The following HP1BP3 variants were observed in gnomAD, a reference collection of about 807,000 sequenced individuals.
The protein encoded by HP1BP3 is heterochromatin protein 1-binding protein 3.
A neutral mutation model predicts 62.5 loss-of-function variants in HP1BP3; 12 were observed. The ratio of observed to expected loss-of-function variants is 0.19; its 90% CI spans 0.12 to 0.31. HP1BP3 has a LOEUF of 0.31. HP1BP3 is among the 10% of genes least tolerant of loss of function. The pLI, the probability that HP1BP3 is intolerant of heterozygous loss-of-function variation, is 1.00. For synonymous variants in HP1BP3, 260 were observed against 237.8 expected (o/e 1.09, Z -0.86); for missense variants, 502 against 651.8 (o/e 0.77, Z 2.50).
intron 2 of HP1BP3, 142 bp downstream of exon 2, chr1:20,780,203 A>T (rs544067167): frequency 1.5e-6 from 1 of 650,842 alleles, no homozygotes; most frequent in African/African-American, 1.8e-5. Flanking sequence ...GAAAGGGAAG[A>T]TGAAAAGAAT....
intron 4 of HP1BP3, chr1:20,776,009 C>T: frequency 8.2e-7 from 1 of 1,220,298 alleles, no homozygotes; most frequent in Non-Finnish European, 1.1e-6. Context: ...AGCTCTCCTG[C>T]AAAAAAAAAA....
intron 8 of HP1BP3, among the ~76,000 whole-genome samples, chr1:20,763,106 CCT>C (rs1405905831): frequency 6.6e-6 from 1 of 152,100 alleles, no homozygotes; most frequent in African/African-American, 2.4e-5. Flanking sequence ...TCTCTTGCTC[CCT>C]TTTTTGCCAT....
chr1:20,746,227 T>TGTGTG (rs1557633244), intron 11 of HP1BP3, among the ~76,000 whole-genome samples: 3 of 145,920 alleles, frequency 2.1e-5, no homozygotes, highest in African/African-American at 5.0e-5. Flanking sequence ...TGTGTGTGTG[T>TGTGTG]TTCTTGCCTT....
chr1:20,754,573 T>C (rs2154539945), intron 9 of HP1BP3, among the ~76,000 whole-genome samples: 1 of 152,188 alleles, frequency 6.6e-6, no homozygotes, highest in East Asian at 1.9e-4. Flanking sequence ...ATTCCAAATT[T>C]CAAAATTCAC....
At position 20,744,831 on chromosome 1, in the gene HP1BP3, G is replaced by C; in HGVS notation, c.1628C>G (p.Ser543Cys). 6.2e-7 allele frequency: 1 copy of C among 1,612,908 alleles called. No homozygotes were observed. Among genetic ancestry groups the C allele is most frequent in the Non-Finnish European group, 8.5e-7 (1 of 1,179,790 alleles). ...CACTCTGAAAGACTTCTTCATGGTG[G>C]ATTTGCCCTTGCCCGGCAATTTTAC... ...KEVKLPGKGK[S>C]TMKKSFRVKK Residue 543 changes from serine to cysteine, a missense_variant, in exon 13 of 13, where the codon TCC (serine) becomes TGC (cysteine). Coordinates refer to ENST00000438032, the MANE Select transcript of HP1BP3 (RefSeq NM_001372052.1).
intron 8 of HP1BP3, among the ~76,000 whole-genome samples, chr1:20,761,489 T>TA (rs1458530369): frequency 6.6e-6 from 1 of 151,798 alleles, no homozygotes; most frequent in Non-Finnish European, 1.5e-5. Context: ...GAAATGAAGA[T>TA]AATGTGGGAA....
Position 20,773,601 on chromosome 1 carries a change from A to T in HP1BP3, c.360T>A (p.Asp120Glu). ...SSEETKKDEK[D>E]QSKEKEKKVK... ...CTTTCTTCTCCTTTTCTTTAGACTG[A>T]TCTTTCTCACTTTAAAACAAAGAAT... The change falls in exon 5 of 13, where the codon GAT (aspartate) becomes GAA (glutamate). Residue 120 changes from aspartate to glutamate, a missense_variant. Coordinates refer to ENST00000438032, the MANE Select transcript of HP1BP3 (RefSeq NM_001372052.1). 2 of 1,597,312 alleles carry T rather than the reference A, an allele frequency of 1.3e-6. No individual in the cohort carries two copies. The highest frequency in any genetic ancestry group is 1.7e-6 in the Non-Finnish European group (2 of 1,170,572).
Position 20,773,526 on chromosome 1 carries a change from G to C in HP1BP3, c.435C>G (p.Ala145=). The part of the protein sequence containing the change: ...SWATLSASQL[A]RAQKQTPMAS... ...CCATCGGTGTTTGTTTCTGGGCCCT[G>C]GCTAGCTGGCTGGCAGAAAGGGTAG... is the stretch of plus-strand genomic sequence containing the variant. The change falls in exon 5 of 13, where the codon GCC becomes GCG. Residue 145 remains alanine, a synonymous_variant. Coordinates refer to ENST00000438032, the MANE Select transcript of HP1BP3 (RefSeq NM_001372052.1). 2 of 1,611,838 alleles carry C rather than the reference G, an allele frequency of 1.2e-6. No individual in the cohort carries two copies. Among genetic ancestry groups the C allele is most frequent in the Non-Finnish European group, 1.7e-6 (2 of 1,178,672 alleles).
Position 20,780,245 on chromosome 1 carries a change from C to T in HP1BP3, c.96+100G>A, listed in dbSNP as rs1052679571. ...TTGTTTCAAATTCACAACCTAGACT[C>T]CCCAAAGTAAGGGAAGGAACATGTA... On this transcript the variant is annotated intron_variant, in intron 2 of 12. Transcript: ENST00000438032. 5 of 839,678 alleles carry T rather than the reference C, an allele frequency of 6.0e-6. No homozygotes were observed. In the African/African-American group the frequency reaches 6.7e-5, roughly 11 times the overall value. The allele number at this position is 839,678 out of a possible 1,614,324, so 52.0% of individuals were successfully genotyped here.
At position 20,747,625 on chromosome 1, in the gene HP1BP3, C is replaced by T. The variant is rs2055424178; in HGVS notation, c.1172G>A (p.Cys391Tyr). The T allele has an allele frequency of 6.2e-7, 1 of 1,612,628 alleles. No homozygotes were observed. The highest frequency in any genetic ancestry group is 8.5e-7 in the Non-Finnish European group (1 of 1,179,386). The change falls in exon 11 of 13, where the codon TGC becomes TAC. Residue 391 changes from cysteine to tyrosine, a missense_variant. Transcript: ENST00000438032. ...MHLLKKTLQK[C>Y]EKNGWMEQIS... The stretch of plus-strand genomic sequence containing the variant: ...CTGTTCCATCCACCCATTCTTTTCG[C>T]ATTTCTGCAGGGTTTTTTTCAGCAA...
intron 10 of HP1BP3, 24 bp from the exon 11 acceptor site, chr1:20,747,679 A>T (rs753394923): frequency 7.0e-7 from 1 of 1,422,868 alleles, no homozygotes; most frequent in African/African-American, 1.4e-5. Context: ...TTCAGAAATG[A>T]AAGTTATCTA....
chr1:20,749,169 T>C (rs957260132), intron 10 of HP1BP3, among the ~76,000 whole-genome samples: 2 of 152,136 alleles, frequency 1.3e-5, no homozygotes, highest in Non-Finnish European at 2.9e-5. Context: ...TTACAATAAA[T>C]ATCAGAAAAA....
At position 20,743,426 on chromosome 1, in the gene HP1BP3, G is replaced by C. The variant is rs1180597808; in HGVS notation, c.*1371C>G. 1 of 152,204 alleles carries C rather than the reference G, an allele frequency of 6.6e-6. No individual in the cohort carries two copies. Among genetic ancestry groups the C allele is most frequent in the East Asian group, 1.9e-4 (1 of 5,202 alleles). The allele number at this position is 152,204 out of a possible 1,614,324, so 9.4% of individuals were successfully genotyped here. A position where few individuals can be genotyped will look rare whatever the true frequency, so the allele number is the denominator to read the frequency against. The stretch of plus-strand genomic sequence containing the variant: ...CATCTGTAACCCCAGGATTTTGGGA[G>C]GCTGAGGTGAGTGGATCACGAGGTC... On this transcript the variant is annotated 3_prime_UTR_variant, in exon 13 of 13. Transcript: ENST00000438032.
At chr1:20,752,325 C>T (rs547807629) in intron 9 of HP1BP3, among the ~76,000 whole-genome samples, 12 of 151,080 alleles carry the variant, frequency 7.9e-5, no homozygotes, top group East Asian at 2.0e-4. Context: ...GACAGAGTTT[C>T]GCTGTGTTGC....
intron 11 of HP1BP3, among the ~76,000 whole-genome samples, chr1:20,746,184 ATATG>A (rs1303256776): frequency 1.9e-4 from 12 of 63,520 alleles, no homozygotes; most frequent in South Asian, 5.7e-4. Flanking sequence ...ATACATACAT[ATATG>A]TGTGTGTGTG....
At chr1:20,751,680 A>G (rs569432645) in intron 9 of HP1BP3, among the ~76,000 whole-genome samples, 1 of 152,062 alleles carries the variant, frequency 6.6e-6, no homozygotes, top group South Asian at 2.1e-4. Context: ...CTATGATTAC[A>G]TCACTATACT....
chr1:20,775,439 T>A (rs191160834), intron 4 of HP1BP3: 5 of 152,188 alleles, frequency 3.3e-5, no homozygotes, highest in African/African-American at 1.2e-4. Flanking sequence ...CTGTGCACCA[T>A]TGCGTCCGGC....
At chr1:20,762,744 T>A (rs2056557004) in intron 8 of HP1BP3, among the ~76,000 whole-genome samples, 1 of 152,100 alleles carries the variant, frequency 6.6e-6, no homozygotes, top group Non-Finnish European at 1.5e-5. Context: ...TTACATATAT[T>A]AATGTCTCAT....
intron 3 of HP1BP3, among the ~76,000 whole-genome samples, 155 bp from the exon 4 acceptor site, chr1:20,776,905 T>C (rs528791727): frequency 6.6e-6 from 1 of 152,354 alleles, no homozygotes; most frequent in South Asian, 2.1e-4. Flanking sequence ...GCAGTTTTCT[T>C]ACATTCTTTA....
Sources: gnomAD v4.1 joint callset for allele counts (sites outside exome capture counted in the v4.1 genomes callset) on GRCh38, gnomAD v4.1.1 for gene constraint, MANE v1.5 for transcripts, NCBI Gene and HGNC (gene_info 2026-07-23, HGNC 2026-07-21) for gene names.